Variants in DLG5 observed in about 807,000 individuals in gnomAD.
DLG5 encodes disks large homolog 5.
DLG5 carries 48 observed loss-of-function variants against 189.8 expected under a neutral mutation model. That is an observed-to-expected ratio of 0.25 (90% CI 0.20 to 0.32). The LOEUF is 0.32. Among genes scored for constraint, DLG5 ranks in the 10% least tolerant of loss-of-function variants. The pLI is 1.00. For synonymous variants in DLG5, 1,016 were observed against 1,054.1 expected, an observed-to-expected ratio of 0.96 and a Z score of 0.70; for missense variants, 2,160 against 2,544.7, an observed-to-expected ratio of 0.85 and a Z score of 3.25.
Position 77,794,084 on chromosome 10 carries a change from C to A in DLG5, c.5580G>T (p.Lys1860Asn), listed in dbSNP as rs777061497. ...EQRDPIYLRD[K>N]VTQRHSKEQF... is the part of the protein sequence containing the mutation. Reference sequence around the variant, plus strand: ...GCTCTTTGGAATGCCTCTGAGTCACCTTGTCCCTCAGGTAGATGGGGTCTC... The same window carrying A: ...GCTCTTTGGAATGCCTCTGAGTCACATTGTCCCTCAGGTAGATGGGGTCTC... The change falls in exon 31 of 32, where the codon AAG becomes AAT. Residue 1860 changes from lysine (K) to asparagine (N), a missense_variant. Transcript: ENST00000372391. 4 of 1,614,180 alleles carry A rather than the reference C, an allele frequency of 2.5e-6. No homozygotes were observed. The highest frequency in any genetic ancestry group is 3.4e-6 in the Non-Finnish European group (4 of 1,180,032).
rs1489851301 is a variant in DLG5 at position 77,824,488 on chromosome 10, C to G, written c.2290-12G>C. On this transcript the variant is annotated splice_polypyrimidine_tract_variant and intron_variant, in intron 13 of 31. Coordinates refer to ENST00000372391, the MANE Select transcript of DLG5 (RefSeq NM_004747.4). ...GCAATGCCATTGATCTAGAGCAGGA[C>G]AGAGAGCATGTCAGGCCACAGGCAG... 5.0e-6 allele frequency: 8 copies of G among 1,610,080 alleles called. No homozygotes were observed. The highest frequency in any genetic ancestry group is 5.9e-6 in the Non-Finnish European group (7 of 1,177,284).
At chr10:77,819,858 C>T in intron 16 of DLG5, 37 bp downstream of exon 16, 1 of 1,519,488 alleles carries the variant, frequency 6.6e-7, no homozygotes, top group South Asian at 1.3e-5. Context: ...CGAGTTTACA[C>T]CGACCCTCAG....
Position 77,834,058 on chromosome 10 carries a change from G to A in DLG5, c.1623-19C>T. 1.2e-6 allele frequency: 2 copies of A among 1,604,588 alleles called. No individual in the cohort carries two copies. Among genetic ancestry groups the A allele is most frequent in the Non-Finnish European group, 1.7e-6 (2 of 1,177,108 alleles). The stretch of plus-strand genomic sequence containing the variant: ...CAGTGTCCTGGTGGAAGGAGCAGAG[G>A]ACAAGGTCATCTCAAGAGGCATGGG... On this transcript the variant is annotated intron_variant, in intron 8 of 31. Coordinates refer to ENST00000372391, the MANE Select transcript of DLG5 (RefSeq NM_004747.4).
At chr10:77,891,573 GACACACACACACACAC>G (rs55688664) in intron 1 of DLG5, among the ~76,000 whole-genome samples, 13 of 140,498 alleles carry the variant, frequency 9.3e-5, no homozygotes, top group South Asian at 4.8e-4. Context: ...TCCCCCAACA[GACACACACACACACAC>G]ACACACACAC....
Position 77,828,950 on chromosome 10 carries a change from CAGCATACACTCCATTCTCCAG to C in DLG5, c.2200_2220del (p.Leu734_Ala740del). 1 of 1,614,134 alleles carries C rather than the reference CAGCATACACTCCATTCTCCAG, an allele frequency of 6.2e-7. No individual in the cohort carries two copies. The highest frequency in any genetic ancestry group is 8.5e-7 in the Non-Finnish European group (1 of 1,180,026). ...GCAGGGCTTCCAGGCAGCACAGCGG[CAGCATACACTCCATTCTCCAG>C]ACTGATGCCACTGTCTGCAAGCCAC... On this transcript the variant is annotated inframe_deletion, in exon 13 of 32. Transcript: ENST00000372391.
intron 1 of DLG5, among the ~76,000 whole-genome samples, chr10:77,899,892 C>G (rs932103125): frequency 1.3e-5 from 2 of 152,182 alleles, no homozygotes; most frequent in Admixed American, 6.5e-5. Flanking sequence ...GTATCCTCCA[C>G]ACAACACCAA....
intron 1 of DLG5, among the ~76,000 whole-genome samples, chr10:77,890,319 C>T (rs1349181360): frequency 6.6e-6 from 1 of 152,172 alleles, no homozygotes; most frequent in Non-Finnish European, 1.5e-5. Context: ...GTCCTACCTC[C>T]AAGCCTCTTG....
Position 77,792,316 on chromosome 10 carries a change from G to T in DLG5, c.*124C>A. 1.0e-6 allele frequency: 1 copy of T among 985,874 alleles called. No homozygotes were observed. The highest frequency in any genetic ancestry group is 1.6e-6 in the Non-Finnish European group (1 of 636,002). The allele number at this position is 985,874 out of a possible 1,614,324, so 61.1% of individuals were successfully genotyped here. A position where few individuals can be genotyped will look rare whatever the true frequency, so the allele number is the denominator to read the frequency against. On this transcript the variant is annotated 3_prime_UTR_variant, in exon 32 of 32. Coordinates refer to ENST00000372391, the MANE Select transcript of DLG5 (RefSeq NM_004747.4). ...TACAAAGGAGGTGCTTCTGGGTCCTGGTTCCGGATCCTTCCCCCGCATGTT... is the reference window on the plus strand; with the variant it reads ...TACAAAGGAGGTGCTTCTGGGTCCTTGTTCCGGATCCTTCCCCCGCATGTT...
At chr10:77,853,156 T>A (rs1844063042) in intron 5 of DLG5, among the ~76,000 whole-genome samples, 198 bp downstream of exon 5, 1 of 152,028 alleles carries the variant, frequency 6.6e-6, no homozygotes, top group East Asian at 1.9e-4. Flanking sequence ...AATTTTTTTT[T>A]TTTTTTTGTA....
intron 12 of DLG5, 67 bp downstream of exon 12, chr10:77,829,288 C>G: frequency 6.3e-7 from 1 of 1,596,908 alleles, no homozygotes; most frequent in South Asian, 1.1e-5. Flanking sequence ...GGGGCACCCC[C>G]GGCCCCTGTC....
At chr10:77,880,656 G>A (rs1411153324) in intron 1 of DLG5, among the ~76,000 whole-genome samples, 1 of 152,130 alleles carries the variant, frequency 6.6e-6, no homozygotes, top group Non-Finnish European at 1.5e-5. Flanking sequence ...TGATGGAAAT[G>A]AGGCAGAGCA....
At chr10:77,912,159 G>A (rs1324212337) in intron 1 of DLG5, 1 of 147,574 alleles carries the variant, frequency 6.8e-6, no homozygotes, top group Non-Finnish European at 1.5e-5. Context: ...CTAGGATCAT[G>A]CCATCAATCA....
intron 15 of DLG5, chr10:77,820,350 GAA>G (rs56722418): frequency 4.0e-4 from 58 of 144,172 alleles, no homozygotes; most frequent in South Asian, 2.2e-3. Context: ...CATCTTAGGG[GAA>G]AAAAAAAAAA....
At position 77,796,619 on chromosome 10, in the gene DLG5, C is replaced by T; in HGVS notation, c.5165-25G>A. On this transcript the variant is annotated intron_variant, in intron 27 of 31. Transcript: ENST00000372391. The surrounding 1 kb of genome is among the most constrained non-coding windows in gnomAD (Gnocchi z 5.2). Reference sequence around the variant, plus strand: ...TCTGAGGGAGAGAGAGCAGCAGCGTCACGGACCCAGCTTGGAGTGGAGGAC... The same window carrying T: ...TCTGAGGGAGAGAGAGCAGCAGCGTTACGGACCCAGCTTGGAGTGGAGGAC... 6.2e-7 allele frequency: 1 copy of T among 1,612,962 alleles called. No individual in the cohort carries two copies. The highest frequency in any genetic ancestry group is 1.3e-5 in the African/African-American group (1 of 75,038).
chr10:77,798,976 T>TA (rs1841067694), intron 27 of DLG5, among the ~76,000 whole-genome samples: 1 of 152,158 alleles, frequency 6.6e-6, no homozygotes, highest in Non-Finnish European at 1.5e-5. Context: ...TGGTAAGAAA[T>TA]ACATTAAAAT....
At chr10:77,836,050 C>G in intron 7 of DLG5, 128 bp from the exon 8 acceptor site, 1 of 940,106 alleles carries the variant, frequency 1.1e-6, no homozygotes, top group Non-Finnish European at 1.6e-6. Context: ...CGGAGCCCAT[C>G]GCAGCACACC....
At position 77,926,265 on chromosome 10, in the gene DLG5, G is replaced by C. The variant is rs1460201893; in HGVS notation, c.256C>G (p.Leu86Val). ...EKTQPHLLPI[L>V]YLNGVVGPPQ... Reference sequence around the variant, plus strand: ...GGCCCGACGACGCCGTTCAGGTAGAGAATGGGCAGCAGGTGAGGCTGCGTC... The same window carrying C: ...GGCCCGACGACGCCGTTCAGGTAGACAATGGGCAGCAGGTGAGGCTGCGTC... Residue 86 changes from leucine (L) to valine (V), a missense_variant, in exon 1 of 32, where the codon CTC becomes GTC. This residue lies in a region of DLG5 where 664 missense variants were observed against 838.5 expected (regional missense o/e 0.79). Transcript: ENST00000372391. This position sits in a 1 kb window ranked among gnomAD's most constrained non-coding sequence, Gnocchi z 5.2. The C allele has an allele frequency of 1.3e-6, 2 of 1,574,484 alleles. No individual in the cohort carries two copies. The highest frequency in any genetic ancestry group is 1.7e-6 in the Non-Finnish European group (2 of 1,162,476).
At position 77,833,945 on chromosome 10, in the gene DLG5, T is replaced by A. The variant is rs1842998134; in HGVS notation, c.1717A>T (p.Asn573Tyr). Residue 573 changes from asparagine (N) to tyrosine (Y), a missense_variant, in exon 9 of 32, where the codon AAT (asparagine) becomes TAT (tyrosine). Around this residue, in one of 5 missense-constraint regions of DLG5, gnomAD observed 664 missense variants for 838.5 expected, o/e 0.79. Transcript: ENST00000372391. ...TCCTTCAGCTCGCGGCTGACATCAT[T>A]CTTCTGCTTGCGGGTGTCATCCAGG... Reference protein sequence around the residue: ...RSLDDTRKQKNDVSRELKELK... With the variant: ...RSLDDTRKQKYDVSRELKELK... 1 of 1,606,474 alleles carries A rather than the reference T, an allele frequency of 6.2e-7. No homozygotes were observed. Among genetic ancestry groups the A allele is most frequent in the Non-Finnish European group, 8.5e-7 (1 of 1,179,952 alleles).
At chr10:77,809,522 G>T (rs371074669) in intron 24 of DLG5, 25 bp downstream of exon 24, 9 of 1,598,808 alleles carry the variant, frequency 5.6e-6, no homozygotes, top group African/African-American at 5.4e-5. Context: ...TGGAGGCCTG[G>T]CCTGCTCAGC....
Sources: gnomAD v4.1 joint callset for allele counts (sites outside exome capture counted in the v4.1 genomes callset) on GRCh38, gnomAD v4.1.1 for gene constraint, gnomAD v4.1.1 regional missense constraint, Gnocchi (gnomAD v3.1) non-coding constraint, MANE v1.5 for transcripts, NCBI Gene and HGNC (gene_info 2026-07-23, HGNC 2026-07-21) for gene names.